AGBL4: variants seen among roughly 807,000 people sequenced by gnomAD.
The protein encoded by AGBL4 is AGBL carboxypeptidase 4, also known as cytosolic carboxypeptidase 6.
AGBL4 carries 58 observed loss-of-function variants against 66.4 expected under a neutral mutation model. The observed-to-expected ratio is 0.87, with a 90% confidence interval of 0.71 to 1.09. The LOEUF (loss-of-function observed/expected upper bound fraction) is 1.09. Among genes scored for constraint, AGBL4 ranks in the 50% least tolerant of loss-of-function variants. The probability of loss-of-function intolerance (pLI) is 0.00; values close to 1 mark genes in which losing one functional copy is unlikely to be tolerated. For missense variants in AGBL4, 579 were observed against 631.0 expected (o/e 0.92, Z 0.88); for synonymous variants, 234 against 222.9 (o/e 1.05, Z -0.44).
chr1:49,242,035 C>T (rs552005668), intron 4 of AGBL4, among the ~76,000 whole-genome samples: 2 of 151,996 alleles, frequency 1.3e-5, no homozygotes, highest in Admixed American at 6.6e-5. Flanking sequence ...GTCTCCTTTT[C>T]CCCTCGTGGC....
At chr1:49,157,215 C>T (rs954356853) in intron 4 of AGBL4, among the ~76,000 whole-genome samples, 4 of 152,030 alleles carry the variant, frequency 2.6e-5, no homozygotes, top group Admixed American at 1.3e-4. Flanking sequence ...GGTATTTCTC[C>T]TAATGCTATC....
intron 3 of AGBL4, among the ~76,000 whole-genome samples, chr1:49,258,921 C>A (rs960390229): frequency 6.6e-6 from 1 of 152,034 alleles, no homozygotes; most frequent in South Asian, 2.1e-4. Flanking sequence ...GTCGGGTTAC[C>A]CACAAAGGGA....
At chr1:49,937,319 G>A (rs1446497246) in intron 1 of AGBL4, among the ~76,000 whole-genome samples, 1 of 152,014 alleles carries the variant, frequency 6.6e-6, no homozygotes, top group Non-Finnish European at 1.5e-5. Context: ...ACCCAATACA[G>A]GAGCACCCAG....
At chr1:49,970,531 A>G (rs772402506) in intron 1 of AGBL4, among the ~76,000 whole-genome samples, 1 of 152,004 alleles carries the variant, frequency 6.6e-6, no homozygotes, top group Non-Finnish European at 1.5e-5. Flanking sequence ...CCCCATCTCT[A>G]CTAAAACTAC....
intron 3 of AGBL4, among the ~76,000 whole-genome samples, chr1:49,580,074 T>C (rs918413441): frequency 6.6e-6 from 1 of 152,176 alleles, no homozygotes; most frequent in Non-Finnish European, 1.5e-5. Context: ...ACCTTCTTTG[T>C]CTTTTTTTTA....
chr1:48,916,069 C>T (rs1041647341), intron 5 of AGBL4, among the ~76,000 whole-genome samples: 4 of 152,144 alleles, frequency 2.6e-5, no homozygotes, highest in African/African-American at 9.7e-5. Flanking sequence ...CCCATAAGTT[C>T]TTCCACAACA....
intron 4 of AGBL4, among the ~76,000 whole-genome samples, chr1:49,208,392 T>A (rs1648407203): frequency 6.6e-6 from 1 of 152,100 alleles, no homozygotes. Context: ...CCTTAGGTCA[T>A]ACCCTATCAG....
At chr1:49,185,789 TG>T (rs1647006014) in intron 4 of AGBL4, among the ~76,000 whole-genome samples, 1 of 152,126 alleles carries the variant, frequency 6.6e-6, no homozygotes, top group Non-Finnish European at 1.5e-5. Context: ...TTCCCAGAAC[TG>T]GTGGTCCTTG....
chr1:49,252,531 C>A (rs932154473), intron 3 of AGBL4, among the ~76,000 whole-genome samples: 1 of 152,074 alleles, frequency 6.6e-6, no homozygotes, highest in African/African-American at 2.4e-5. Flanking sequence ...TCTAGAGAGA[C>A]CAACATTCAA....
At chr1:49,021,387 T>C (rs1312394522) in intron 5 of AGBL4, among the ~76,000 whole-genome samples, 1 of 152,160 alleles carries the variant, frequency 6.6e-6, no homozygotes, top group Non-Finnish European at 1.5e-5. Flanking sequence ...CAAATTCCTA[T>C]CCTGGAGCCT....
At chr1:48,556,545 A>G (rs1185088232) in intron 11 of AGBL4, among the ~76,000 whole-genome samples, 13 of 152,232 alleles carry the variant, frequency 8.5e-5, no homozygotes, top group Non-Finnish European at 1.5e-5. Context: ...CCTCTGTGGC[A>G]GGGCCTCTGC....
chr1:49,069,058 G>T (rs1442601426), intron 4 of AGBL4, among the ~76,000 whole-genome samples: 4 of 151,742 alleles, frequency 2.6e-5, no homozygotes, highest in African/African-American at 2.4e-5. Flanking sequence ...CATATAATTT[G>T]CCCACTTCTT....
chr1:49,735,748 G>A (rs1208630234), intron 2 of AGBL4, among the ~76,000 whole-genome samples: 1 of 151,908 alleles, frequency 6.6e-6, no homozygotes, highest in Non-Finnish European at 1.5e-5. Flanking sequence ...GCACCAAAAA[G>A]AATCCGTAAA....
intron 4 of AGBL4, among the ~76,000 whole-genome samples, chr1:49,164,711 G>A (rs1349165310): frequency 6.6e-6 from 1 of 152,122 alleles, no homozygotes; most frequent in African/African-American, 2.4e-5. Flanking sequence ...TTTGTCATCT[G>A]TTGCCTATTG....
intron 1 of AGBL4, among the ~76,000 whole-genome samples, chr1:49,922,845 T>C (rs138416440): frequency 6.6e-6 from 1 of 152,100 alleles, no homozygotes; most frequent in Non-Finnish European, 1.5e-5. Flanking sequence ...CATTACATGC[T>C]CATGGATAGG....
At chr1:49,997,348 A>T (rs1339898153) in intron 1 of AGBL4, among the ~76,000 whole-genome samples, 1 of 152,202 alleles carries the variant, frequency 6.6e-6, no homozygotes, top group Non-Finnish European at 1.5e-5. Context: ...AACTCAAGGT[A>T]AAGGGATGGA....
chr1:48,533,463 G>A lies in AGBL4; in HGVS notation c.*710C>T, dbSNP rs1224413911. On this transcript the variant is annotated 3_prime_UTR_variant, in exon 14 of 14. Coordinates refer to ENST00000371839, the MANE Select transcript of AGBL4 (RefSeq NM_032785.4). The stretch of plus-strand genomic sequence containing the variant: ...TAATCCCTGTCACCTGGGATCTGGA[G>A]ACCTTAACCATAATAAACCTTTTAA... The A allele has an allele frequency of 6.6e-6, 1 of 152,314 alleles. No homozygotes were observed. Among genetic ancestry groups the A allele is most frequent in the African/African-American group, 2.4e-5 (1 of 41,430 alleles). The allele number at this position is 152,314 out of a possible 1,614,324, so 9.4% of individuals were successfully genotyped here.
intron 5 of AGBL4, among the ~76,000 whole-genome samples, chr1:48,916,681 T>C (rs1347544495): frequency 6.6e-6 from 1 of 152,188 alleles, no homozygotes; most frequent in Admixed American, 6.5e-5. Context: ...TGAATTTCCA[T>C]ATCAGGGCAT....
chr1:48,776,557 TCCCA>T, intron 6 of AGBL4: 1 of 1,068,318 alleles, frequency 9.4e-7, no homozygotes, highest in Non-Finnish European at 1.2e-6. Context: ...CCTCCCGGGG[TCCCA>T]GCCCCCGCCC....
Sources: gnomAD v4.1 joint callset for allele counts (sites outside exome capture counted in the v4.1 genomes callset) on GRCh38, gnomAD v4.1.1 for gene constraint, MANE v1.5 for transcripts, NCBI Gene and HGNC (gene_info 2026-07-23, HGNC 2026-07-21) for gene names.